The following MYT1 variants were observed in gnomAD, a reference collection of about 807,000 sequenced individuals.
MYT1 encodes the protein myelin transcription factor I.
Under a neutral mutation model 123.0 loss-of-function variants are expected in MYT1, and 23 were observed. The observed-to-expected ratio is 0.19, with a 90% CI of 0.13 to 0.26. The LOEUF (loss-of-function observed/expected upper bound fraction) is 0.26. MYT1 is among the 10% of genes least tolerant of loss of function. The probability of loss-of-function intolerance (pLI) is 1.00; values close to 1 mark genes in which losing one functional copy is unlikely to be tolerated. For synonymous variants in MYT1, 518 were observed against 575.3 expected (o/e 0.90, Z 1.43); for missense variants, 1,125 against 1,472.5 (o/e 0.76, Z 3.86).
intron 6 of MYT1, 137 bp from the exon 7 acceptor site, chr20:64,207,457 T>C (rs1983513767): frequency 6.9e-7 from 1 of 1,447,240 alleles, no homozygotes; most frequent in East Asian, 2.4e-5. Context: ...ACTTCTGGAG[T>C]TTCATGTTTC....
chr20:64,199,446 C>CT (rs1983223479), intron 3 of MYT1, among the ~76,000 whole-genome samples: 1 of 152,194 alleles, frequency 6.6e-6, no homozygotes, highest in African/African-American at 2.4e-5. Flanking sequence ...CCCCGTGCAT[C>CT]TTGGCAGCCA....
At chr20:64,201,259 G>A (rs561127694) in intron 4 of MYT1, among the ~76,000 whole-genome samples, 14 of 152,300 alleles carry the variant, frequency 9.2e-5, no homozygotes, top group East Asian at 5.8e-4. Flanking sequence ...AGATTTGTTC[G>A]TTTTTAAACA....
rs1983691813 is a variant in MYT1 at position 64,212,196 on chromosome 20, AGGGTGGGGGCCGTGGTG to A, written c.1517+62_1517+78del. 2 of 65,062 alleles carry A rather than the reference AGGGTGGGGGCCGTGGTG, an allele frequency of 3.1e-5. No homozygotes were observed. Among genetic ancestry groups the A allele is most frequent in the Non-Finnish European group, 5.9e-5 (2 of 33,810 alleles). 4.0% of individuals were successfully genotyped at this position (65,062 alleles called of 1,614,324 possible). A position where few individuals can be genotyped will look rare whatever the true frequency, so the allele number is the denominator to read the frequency against. ...CAGGGTGGGGGCCGTGGTGGGGGCC[AGGGTGGGGGCCGTGGTG>A]GGGGCCAGGGTGGGGGCCGTGGTGG... is the stretch of plus-strand genomic sequence containing the variant. On this transcript the variant is annotated intron_variant, in intron 9 of 22. Transcript: ENST00000328439. The surrounding 1 kb of genome is among the most constrained non-coding windows in gnomAD (Gnocchi z 6.8).
intron 18 of MYT1, among the ~76,000 whole-genome samples, chr20:64,229,137 T>C (rs1433709210): frequency 6.6e-6 from 1 of 152,260 alleles, no homozygotes; most frequent in Admixed American, 6.5e-5. Context: ...GGCTTGTTTA[T>C]TTATTTAATT....
Position 64,218,900 on chromosome 20 carries a change from C to G in MYT1, c.1847-11C>G. The G allele has an allele frequency of 5.0e-6, 8 of 1,613,402 alleles. No individual in the cohort carries two copies. The highest frequency in any genetic ancestry group is 6.8e-6 in the Non-Finnish European group (8 of 1,180,038). On this transcript the variant is annotated splice_polypyrimidine_tract_variant and intron_variant, in intron 11 of 22. Transcript: ENST00000328439. This position sits in a 1 kb window ranked among gnomAD's most constrained non-coding sequence, Gnocchi z 4.0. ...GTAGTTATGTGAGGAGCACTTCATCCTCTTCTGCAGGCTTTGACTACTCGC... is the reference window on the plus strand; with the variant it reads ...GTAGTTATGTGAGGAGCACTTCATCGTCTTCTGCAGGCTTTGACTACTCGC...
At chr20:64,199,981 A>G (rs1200409286) in intron 4 of MYT1, 59 bp downstream of exon 4, 1 of 1,593,590 alleles carries the variant, frequency 6.3e-7, no homozygotes, top group Non-Finnish European at 8.6e-7. Context: ...CCCTGGAGAT[A>G]TCCTAAATGT....
At chr20:64,228,638 TG>T (rs1984238530) in intron 18 of MYT1, among the ~76,000 whole-genome samples, 1 of 152,138 alleles carries the variant, frequency 6.6e-6, no homozygotes, top group South Asian at 2.1e-4. Context: ...TCCTACTTGG[TG>T]GGGGTTTGTG....
intron 16 of MYT1, among the ~76,000 whole-genome samples, chr20:64,223,891 C>G (rs1984087359): frequency 6.6e-6 from 1 of 152,196 alleles, no homozygotes. Context: ...CATGCTCATG[C>G]CTTCTCTTTG....
At chr20:64,180,451 C>T (rs1242178632) in intron 1 of MYT1, among the ~76,000 whole-genome samples, 1 of 152,202 alleles carries the variant, frequency 6.6e-6, no homozygotes, top group Non-Finnish European at 1.5e-5. Flanking sequence ...CCTCTTTCCC[C>T]ATACCAGCAC....
In MYT1 at chr20:64,220,613, G is replaced by A. The variant is rs535631063; in HGVS notation, c.2241+631G>A. Among the ~76,000 whole-genome samples the A allele has an allele frequency of 2.6e-5, 4 of 152,396 alleles. No homozygotes were observed. In the South Asian group the frequency reaches 8.3e-4, roughly 32 times the overall value. On this transcript the variant is annotated intron_variant, in intron 13 of 22. Coordinates refer to ENST00000328439, the MANE Select transcript of MYT1 (RefSeq NM_004535.3). ...TTTTTCCCAAGGAGGTGTGTGTCCT[G>A]AAGAGCAAAGTCCAGCTGTGAGGGC...
chr20:64,221,662 C>T (rs1984006263), intron 13 of MYT1, among the ~76,000 whole-genome samples: 1 of 152,160 alleles, frequency 6.6e-6, no homozygotes. Flanking sequence ...ATTTCTAGGG[C>T]AACGCAGGAC....
At chr20:64,188,306 A>G (rs964112271) in intron 1 of MYT1, among the ~76,000 whole-genome samples, 2 of 152,198 alleles carry the variant, frequency 1.3e-5, no homozygotes, top group Non-Finnish European at 2.9e-5. Flanking sequence ...TCTGGAGCAC[A>G]CAGACCTTAT....
At chr20:64,207,098 G>A (rs1016359060) in intron 6 of MYT1, among the ~76,000 whole-genome samples, 1 of 152,120 alleles carries the variant, frequency 6.6e-6, no homozygotes, top group African/African-American at 2.4e-5. Context: ...TGACCAGGCT[G>A]GTCTTGAACT....
intron 3 of MYT1, among the ~76,000 whole-genome samples, chr20:64,199,606 A>T (rs1012230282): frequency 6.6e-6 from 1 of 152,146 alleles, no homozygotes; most frequent in Non-Finnish European, 1.5e-5. Context: ...ATCCTGTCTG[A>T]GGTGGAGCAT....
In MYT1 at chr20:64,189,701, T is replaced by C. The variant is rs1457653279; in HGVS notation, c.-98-362T>C. On this transcript the variant is annotated intron_variant, in intron 1 of 22. Transcript: ENST00000328439. This position sits in a 1 kb window ranked among gnomAD's most constrained non-coding sequence, Gnocchi z 5.5. The stretch of plus-strand genomic sequence containing the variant: ...TGCGAATAATTACTCATTAGTCAGC[T>C]CATTTTCAAAGTTGGAGGGGTGACA... Among the ~76,000 whole-genome samples the C allele has an allele frequency of 6.6e-6, 1 of 152,232 alleles. No homozygotes were observed. The highest frequency in any genetic ancestry group is 2.4e-5 in the African/African-American group (1 of 41,470).
rs1355251533 is a variant in MYT1, at chr20:64,235,180, C to T, written c.2898-1375C>T. Among the ~76,000 whole-genome samples the T allele has an allele frequency of 1.7e-4, 19 of 109,440 alleles. 1 individual carries two copies. The highest frequency in any genetic ancestry group is 8.7e-5 in the Non-Finnish European group (5 of 57,346). The allele number at this position is 109,440 out of a possible 152,430, so 71.8% of individuals were successfully genotyped here. ...CCTGGGCTGGCCGTGGTATGTGACC[C>T]GGGGCTGGCCGTGGTATGTGACCCC... On this transcript the variant is annotated intron_variant, in intron 19 of 22. Coordinates refer to ENST00000328439, the MANE Select transcript of MYT1 (RefSeq NM_004535.3).
At chr20:64,217,561 C>A (rs1303099947) in intron 11 of MYT1, among the ~76,000 whole-genome samples, 1 of 152,220 alleles carries the variant, frequency 6.6e-6, no homozygotes, top group Non-Finnish European at 1.5e-5. Context: ...AGATCCGTTA[C>A]GGGCGTGTGT....
At chr20:64,236,212 CTGGCTGTGGTGGGTGACCCTGGGA>C (rs1334363218) in intron 19 of MYT1, among the ~76,000 whole-genome samples, 1 of 98,630 alleles carries the variant, frequency 1.0e-5, no homozygotes, top group Non-Finnish European at 2.1e-5. Context: ...TGACCCTGGG[CTGGCTGTGGTGGGTGACCCTGGGA>C]TGGCTGTGGT....
At chr20:64,183,849 C>T (rs1982723720) in intron 1 of MYT1, among the ~76,000 whole-genome samples, 1 of 152,138 alleles carries the variant, frequency 6.6e-6, no homozygotes, top group Non-Finnish European at 1.5e-5. Context: ...GAGACAGAGT[C>T]TTGCTCTGTC....
Sources: allele counts gnomAD v4.1 joint callset (sites outside exome capture counted in the v4.1 genomes callset), GRCh38; gene constraint gnomAD v4.1.1; non-coding constraint Gnocchi (gnomAD v3.1); transcripts MANE v1.5; gene names NCBI Gene and HGNC (gene_info 2026-07-23, HGNC 2026-07-21).